The following HM13 variants were observed in gnomAD, a reference collection of about 807,000 sequenced individuals.
The protein encoded by HM13 is signal peptide peptidase.
In HM13, 18 loss-of-function variants were observed where a neutral mutation model predicts 50.0. That is an observed-to-expected ratio of 0.36 (90% CI 0.25 to 0.53). The LOEUF (loss-of-function observed/expected upper bound fraction) is 0.53, where lower values mean the gene tolerates loss of function less well. Among genes scored for constraint, HM13 ranks in the 20% least tolerant of loss-of-function variants. The pLI, the probability that HM13 is intolerant of heterozygous loss-of-function variation, is 0.90. For synonymous variants in HM13, 197 were observed against 232.6 expected (o/e 0.85, Z 1.39); for missense variants, 393 against 552.4 (o/e 0.71, Z 2.89).
Position 31,514,455 on chromosome 20 carries a change from T to G in HM13, c.-97T>G. On this transcript the variant is annotated 5_prime_UTR_variant, in exon 1 of 13. Transcript: ENST00000398174. The surrounding 1 kb of genome is among the most constrained non-coding windows in gnomAD (Gnocchi z 4.3). ...AGGGAGCACGTCACTTCCTGTTGCC[T>G]TAGGGGAACGTGGCTTTCCCTGCAG... 1.5e-6 allele frequency: 2 copies of G among 1,378,066 alleles called. No homozygotes were observed. Among genetic ancestry groups the G allele is most frequent in the Non-Finnish European group, 2.0e-6 (2 of 1,010,238 alleles). The allele number at this position is 1,378,066 out of a possible 1,614,324, so 85.4% of individuals were successfully genotyped here. A position where few individuals can be genotyped will look rare whatever the true frequency, so the allele number is the denominator to read the frequency against.
At chr20:31,544,653 G>T (rs1163001971) in intron 3 of HM13, among the ~76,000 whole-genome samples, 1 of 152,250 alleles carries the variant, frequency 6.6e-6, no homozygotes, top group African/African-American at 2.4e-5. Context: ...TTTGCCTTCA[G>T]TCTATCTGCT....
rs757561027 is a variant in HM13 at position 31,538,255 on chromosome 20, C to T, written c.359C>T (p.Thr120Ile). The T allele has an allele frequency of 6.2e-7, 1 of 1,614,182 alleles. No individual in the cohort carries two copies. The highest frequency in any genetic ancestry group is 8.5e-7 in the Non-Finnish European group (1 of 1,180,018). The part of the protein sequence containing the change: ...FVLGILALSH[T>I]ISPFMNKFFP... ...CTGGGAATCCTGGCCCTGTCCCACA[C>T]CATCAGGTCAGAAGGCATCTCTCTG... Residue 120 changes from threonine to isoleucine, a missense_variant, in exon 3 of 13, where the codon ACC becomes ATC. By Grantham distance (89) the Thr-to-Ile change is moderately conservative (BLOSUM62 -1). Transcript: ENST00000398174.
chr20:31,521,725 T>G (rs1176019248), intron 1 of HM13, among the ~76,000 whole-genome samples: 1 of 116,816 alleles, frequency 8.6e-6, no homozygotes, highest in Non-Finnish European at 1.6e-5. Context: ...CGAGACTCCA[T>G]CTCAAAAAAA....
intron 1 of HM13, among the ~76,000 whole-genome samples, chr20:31,517,921 C>T (rs1981897633): frequency 6.6e-6 from 1 of 151,800 alleles, no homozygotes; most frequent in African/African-American, 2.4e-5. Context: ...GAGTATATAA[C>T]CTTTGAGAGT....
chr20:31,565,259 A>C (rs988933079), intron 10 of HM13, among the ~76,000 whole-genome samples: 6 of 151,768 alleles, frequency 4.0e-5, no homozygotes, highest in Non-Finnish European at 5.9e-5. Context: ...CAGGTGGATC[A>C]CCTGAGGTCA....
chr20:31,546,555 A>G (rs1234032317), intron 4 of HM13, among the ~76,000 whole-genome samples: 1 of 151,660 alleles, frequency 6.6e-6, no homozygotes, highest in Non-Finnish European at 1.5e-5. Flanking sequence ...GTTCCAGACC[A>G]GCCTGGCCAT....
intron 3 of HM13, chr20:31,538,623 C>G: frequency 8.3e-7 from 1 of 1,210,550 alleles, no homozygotes; most frequent in Non-Finnish European, 1.0e-6. Context: ...TGTTGGGCTC[C>G]TCACACATGA....
intron 4 of HM13, chr20:31,547,923 G>A: frequency 8.1e-7 from 1 of 1,241,254 alleles, no homozygotes; most frequent in Non-Finnish European, 1.2e-6. Context: ...AAGGAAAACA[G>A]CATGCTCTGT....
chr20:31,522,623 A>G (rs1283163037), intron 1 of HM13, among the ~76,000 whole-genome samples: 7 of 133,542 alleles, frequency 5.2e-5, no homozygotes, highest in African/African-American at 7.5e-5. Context: ...ACTACCAGAC[A>G]CTGTGCTTGA....
In HM13 at chr20:31,514,499, C is replaced by A. The variant is rs1981636026; in HGVS notation, c.-53C>A. 4.5e-6 allele frequency: 7 copies of A among 1,558,924 alleles called. No individual in the cohort carries two copies. Among genetic ancestry groups the A allele is most frequent in the African/African-American group, 2.7e-5 (2 of 73,942 alleles). On this transcript the variant is annotated 5_prime_UTR_variant, in exon 1 of 13. Transcript: ENST00000398174. The surrounding 1 kb of genome is among the most constrained non-coding windows in gnomAD (Gnocchi z 4.3). ...CCTGCAGAGCCGGTGTCTCCGCCTG[C>A]GTCCCTGCTGCAGCAACCGGAGCTG... is the stretch of plus-strand genomic sequence containing the variant.
At chr20:31,565,205 G>A (rs982108009) in intron 10 of HM13, among the ~76,000 whole-genome samples, 8 of 151,538 alleles carry the variant, frequency 5.3e-5, no homozygotes, top group African/African-American at 9.7e-5. Flanking sequence ...TGGGCTGGGC[G>A]TGGTGCCTCA....
chr20:31,546,734 G>A (rs1239665576), intron 4 of HM13, among the ~76,000 whole-genome samples: 6 of 147,666 alleles, frequency 4.1e-5, no homozygotes, highest in African/African-American at 1.3e-4. Context: ...CAGCCAGGGC[G>A]ACAGAGTGAG....
At chr20:31,554,531 A>T (rs533804809) in intron 7 of HM13, 1 of 486,830 alleles carries the variant, frequency 2.1e-6, no homozygotes, top group African/African-American at 2.0e-5. Flanking sequence ...AAATACAAAA[A>T]ATTAGCTGGG....
Position 31,533,241 on chromosome 20 carries a change from G to A in HM13, c.283-4938G>A, listed in dbSNP as rs906840240. Among the ~76,000 whole-genome samples the A allele has an allele frequency of 5.3e-5, 8 of 152,322 alleles. No individual in the cohort carries two copies. In the East Asian group the frequency reaches 5.8e-4, roughly 11 times the overall value. ...TTCAGGGCTGAGTGTAGTGGCTCAC[G>A]CCTGTAATCCCAACGCTTTGGGAGG... On this transcript the variant is annotated intron_variant, in intron 2 of 12. Transcript: ENST00000398174.
chr20:31,559,325 C>T (rs1984482218), intron 8 of HM13, among the ~76,000 whole-genome samples: 2 of 152,166 alleles, frequency 1.3e-5, no homozygotes, highest in Admixed American at 1.3e-4. Flanking sequence ...GTGCCTGGTA[C>T]ATAGGCACTT....
intron 3 of HM13, among the ~76,000 whole-genome samples, chr20:31,542,606 T>A (rs1379659021): frequency 1.3e-5 from 2 of 152,012 alleles, no homozygotes; most frequent in East Asian, 3.9e-4. Flanking sequence ...CAGGGTAGGG[T>A]GAAGATGATG....
intron 2 of HM13, among the ~76,000 whole-genome samples, chr20:31,529,653 C>A (rs1982696704): frequency 6.6e-6 from 1 of 152,176 alleles, no homozygotes; most frequent in Non-Finnish European, 1.5e-5. Flanking sequence ...CAGTGGCCCA[C>A]ACCTGTGATC....
intron 1 of HM13, among the ~76,000 whole-genome samples, chr20:31,521,843 G>T (rs987179416): frequency 6.7e-6 from 1 of 148,294 alleles, no homozygotes; most frequent in Non-Finnish European, 1.5e-5. Flanking sequence ...TCAGATTTCA[G>T]GTCTCCCATT....
chr20:31,551,481 T>C (rs1312738968), intron 7 of HM13, among the ~76,000 whole-genome samples: 1 of 152,216 alleles, frequency 6.6e-6, no homozygotes, highest in Non-Finnish European at 1.5e-5. Flanking sequence ...GTCTCCCTCA[T>C]ACTTTATTGG....
Sources: gnomAD v4.1 joint callset for allele counts (sites outside exome capture counted in the v4.1 genomes callset) on GRCh38, gnomAD v4.1.1 for gene constraint, Gnocchi (gnomAD v3.1) non-coding constraint, MANE v1.5 for transcripts, NCBI Gene and HGNC (gene_info 2026-07-23, HGNC 2026-07-21) for gene names.